CMYA5: variants seen among roughly 807,000 people sequenced by gnomAD.
The protein encoded by CMYA5 is cardiomyopathy associated 5, also known as cardiomyopathy-associated protein 5.
In CMYA5, 246 loss-of-function variants were observed where a neutral mutation model predicts 318.9. The ratio of observed to expected loss-of-function variants is 0.77; its 90% CI spans 0.70 to 0.86. The LOEUF (loss-of-function observed/expected upper bound fraction) is 0.86. Ranked by LOEUF, CMYA5 falls within the 40% of genes least tolerant of loss-of-function variation. CMYA5 has a pLI of 0.00. For missense variants in CMYA5, 4,589 were observed against 4,678.2 expected, an observed-to-expected ratio of 0.98 and a Z score of 0.56; for synonymous variants, 1,641 against 1,729.5, an observed-to-expected ratio of 0.95 and a Z score of 1.27.
At chr5:79,790,077 G>T (rs779143198) in intron 10 of CMYA5, among the ~76,000 whole-genome samples, 1 of 152,142 alleles carries the variant, frequency 6.6e-6, no homozygotes, top group Non-Finnish European at 1.5e-5. Context: ...AGGTTGAGTG[G>T]GCGCAACAAG....
In CMYA5 at chr5:79,732,862, C is replaced by A; in HGVS notation, c.4097C>A (p.Thr1366Asn). ...GTAACTAAGCTTGATTCAAACTTAA[C>A]CAGAGCAGTAAAAGAAGAAATCCCA... is the stretch of plus-strand genomic sequence containing the variant. Reference protein sequence around the residue: ...ASVTKLDSNLTRAVKEEIPTD... With the variant: ...ASVTKLDSNLNRAVKEEIPTD... Residue 1366 changes from threonine to asparagine, a missense_variant, in exon 2 of 13, where the codon ACC becomes AAC. Physicochemically the swap from Thr to Asn is moderately conservative, Grantham distance 65 (BLOSUM62 0). Coordinates refer to ENST00000446378, the MANE Select transcript of CMYA5 (RefSeq NM_153610.5). 6.2e-7 allele frequency: 1 copy of A among 1,613,668 alleles called. No homozygotes were observed. The highest frequency in any genetic ancestry group is 8.5e-7 in the Non-Finnish European group (1 of 1,179,746).
At chr5:79,704,317 C>T (rs1026797052) in intron 1 of CMYA5, among the ~76,000 whole-genome samples, 3 of 152,038 alleles carry the variant, frequency 2.0e-5, no homozygotes, top group Admixed American at 6.6e-5. Context: ...ATGACCCCCA[C>T]TGTGGGTCTG....
In CMYA5 at chr5:79,799,725, C is replaced by A; in HGVS notation, c.*109C>A. The A allele has an allele frequency of 7.2e-7, 1 of 1,382,196 alleles. No homozygotes were observed. The highest frequency in any genetic ancestry group is 2.6e-5 in the Admixed American group (1 of 38,232). The allele number at this position is 1,382,196 out of a possible 1,614,324, so 85.6% of individuals were successfully genotyped here. A position where few individuals can be genotyped will look rare whatever the true frequency, so the allele number is the denominator to read the frequency against. On this transcript the variant is annotated 3_prime_UTR_variant, in exon 13 of 13. Coordinates refer to ENST00000446378, the MANE Select transcript of CMYA5 (RefSeq NM_153610.5). The stretch of plus-strand genomic sequence containing the variant: ...TCAAAAAGTCTCCCGCGCATTTGCA[C>A]TAATGATGGCTGCATGCATAGCAAT...
chr5:79,690,682 C>T (rs1221769356), intron 1 of CMYA5, among the ~76,000 whole-genome samples: 1 of 152,150 alleles, frequency 6.6e-6, no homozygotes, highest in African/African-American at 2.4e-5. Context: ...CCCTCCGTCC[C>T]TTTAAGAAGG....
chr5:79,785,178 G>T (rs1829061401), intron 9 of CMYA5, among the ~76,000 whole-genome samples: 1 of 151,856 alleles, frequency 6.6e-6, no homozygotes, highest in Admixed American at 6.6e-5. Context: ...ATCTATTTAT[G>T]CCCCAGGACC....
chr5:79,701,447 G>T (rs370280813), intron 1 of CMYA5, among the ~76,000 whole-genome samples: 30 of 152,242 alleles, frequency 2.0e-4, no homozygotes, highest in African/African-American at 6.5e-4. Context: ...TGTCTCAAAT[G>T]ATCACATGTA....
intron 12 of CMYA5, among the ~76,000 whole-genome samples, chr5:79,795,038 T>C (rs944833518): frequency 6.6e-6 from 1 of 152,170 alleles, no homozygotes; most frequent in Non-Finnish European, 1.5e-5. Context: ...CCCTCAAATC[T>C]TTAAAAAGCC....
intron 5 of CMYA5, among the ~76,000 whole-genome samples, chr5:79,751,593 A>C (rs1828431097): frequency 1.3e-5 from 2 of 152,184 alleles, no homozygotes; most frequent in Non-Finnish European, 2.9e-5. Context: ...ATCCACCATC[A>C]CTGAGATCCT....
intron 7 of CMYA5, among the ~76,000 whole-genome samples, chr5:79,759,857 G>A (rs1828613599): frequency 6.6e-6 from 1 of 152,198 alleles, no homozygotes; most frequent in African/African-American, 2.4e-5. Context: ...TAGGCATGGT[G>A]TAAAGTTGGC....
chr5:79,695,143 A>T (rs1827043378), intron 1 of CMYA5, among the ~76,000 whole-genome samples: 2 of 152,178 alleles, frequency 1.3e-5, no homozygotes, highest in African/African-American at 4.8e-5. Flanking sequence ...ATGAAAACCT[A>T]ATTTTTTTTA....
At chr5:79,698,897 C>T (rs1827123258) in intron 1 of CMYA5, among the ~76,000 whole-genome samples, 1 of 152,164 alleles carries the variant, frequency 6.6e-6, no homozygotes, top group African/African-American at 2.4e-5. Context: ...TGGCTCAAGG[C>T]CTGTAATCCC....
chr5:79,772,140 A>C (rs1453671957), intron 9 of CMYA5, among the ~76,000 whole-genome samples: 1 of 152,108 alleles, frequency 6.6e-6, no homozygotes, highest in Non-Finnish European at 1.5e-5. Context: ...AAGACCATCC[A>C]CCAATTTCAT....
In CMYA5 at chr5:79,733,358, C is replaced by T. The variant is rs180878399; in HGVS notation, c.4593C>T (p.Leu1531=). ...TAGAGCCTGAACATGAGCTTCCACT[C>T]AGCCTATGGGGTGAGATAAAGAAGA... The part of the protein sequence containing the change: ...EVLEPEHELP[L]SLWGEIKKKE... Residue 1531 remains leucine, a synonymous_variant, in exon 2 of 13, where the codon CTC becomes CTT. Transcript: ENST00000446378. 597 of 1,613,532 alleles carry T rather than the reference C, an allele frequency of 3.7e-4. No individual in the cohort carries two copies. The highest frequency in any genetic ancestry group is 4.9e-4 in the Non-Finnish European group (577 of 1,179,830).
At chr5:79,772,941 C>G (rs188466635) in intron 9 of CMYA5, among the ~76,000 whole-genome samples, 1 of 152,220 alleles carries the variant, frequency 6.6e-6, no homozygotes, top group Non-Finnish European at 1.5e-5. Flanking sequence ...ACAAGTCTTA[C>G]AGTAGAATTG....
chr5:79,791,635 A>G (rs1829181617), intron 11 of CMYA5, among the ~76,000 whole-genome samples: 1 of 150,160 alleles, frequency 6.7e-6, no homozygotes, highest in African/African-American at 2.5e-5. Flanking sequence ...CAGGAGAATC[A>G]CTTGAACCTC....
At chr5:79,785,290 G>T (rs924191051) in intron 9 of CMYA5, among the ~76,000 whole-genome samples, 1 of 151,748 alleles carries the variant, frequency 6.6e-6, no homozygotes, top group African/African-American at 2.4e-5. Context: ...TATTTGATAT[G>T]ATCTTTAGAA....
At position 79,793,582 on chromosome 5, in the gene CMYA5, T is replaced by C. The variant is rs1482681524; in HGVS notation, c.11935T>C (p.Trp3979Arg). The change falls in exon 12 of 13, where the codon TGG (tryptophan) becomes CGG (arginine). Residue 3979 changes from tryptophan to arginine, a missense_variant. By Grantham distance (101) the Trp-to-Arg change is moderately radical. Around this residue, in one of 3 missense-constraint regions of CMYA5, gnomAD observed 2,431 missense variants for 2,495.1 expected, o/e 0.97. Coordinates refer to ENST00000446378, the MANE Select transcript of CMYA5 (RefSeq NM_153610.5). ...AGALGQGETSWYMHCSEPQRY... is the reference protein window; with the variant it reads ...AGALGQGETSRYMHCSEPQRY... Reference sequence around the variant, plus strand: ...TGCCCTAGGACAAGGGGAGACCTCATGGTACATGCACTGCTCTGAGCCACA... The same window carrying C: ...TGCCCTAGGACAAGGGGAGACCTCACGGTACATGCACTGCTCTGAGCCACA... The C allele has an allele frequency of 5.0e-6, 8 of 1,613,412 alleles. No individual in the cohort carries two copies. In the African/African-American group the frequency reaches 1.1e-4, roughly 22 times the overall value.
At chr5:79,693,080 A>G (rs573365841) in intron 1 of CMYA5, among the ~76,000 whole-genome samples, 1 of 152,326 alleles carries the variant, frequency 6.6e-6, no homozygotes, top group African/African-American at 2.4e-5. Flanking sequence ...GATACATGCT[A>G]CCTGGAAGGG....
At chr5:79,767,144 T>C (rs1182160154) in intron 9 of CMYA5, among the ~76,000 whole-genome samples, 1 of 152,258 alleles carries the variant, frequency 6.6e-6, no homozygotes, top group African/African-American at 2.4e-5. Flanking sequence ...GTGGGATCAG[T>C]GGTGATATCC....
Sources: allele counts gnomAD v4.1 joint callset (sites outside exome capture counted in the v4.1 genomes callset), GRCh38; gene constraint gnomAD v4.1.1; regional missense constraint gnomAD v4.1.1; transcripts MANE v1.5; gene names NCBI Gene and HGNC (gene_info 2026-07-23, HGNC 2026-07-21).